The following CLSTN2 variants were observed in gnomAD, a reference collection of about 807,000 sequenced individuals.
CLSTN2 encodes the protein calsyntenin 2.
Under a neutral mutation model 101.2 loss-of-function variants are expected in CLSTN2, and 48 were observed. The ratio of observed to expected loss-of-function variants is 0.47; its 90% CI spans 0.38 to 0.60. CLSTN2 has a LOEUF of 0.60. CLSTN2 is among the 20% of genes least tolerant of loss of function. The pLI is 0.00. For missense variants in CLSTN2, 1,160 were observed against 1,238.2 expected (o/e 0.94, Z 0.95); for synonymous variants, 481 against 463.6 (o/e 1.04, Z -0.48).
chr3:140,024,416 C>G (rs1361142938), intron 1 of CLSTN2, among the ~76,000 whole-genome samples: 3 of 152,252 alleles, frequency 2.0e-5, no homozygotes, highest in African/African-American at 4.8e-5. Flanking sequence ...GGACCCACAT[C>G]AGCTGCATGG....
chr3:140,116,639 A>G (rs1288556044), intron 1 of CLSTN2, among the ~76,000 whole-genome samples: 2 of 152,142 alleles, frequency 1.3e-5, no homozygotes, highest in African/African-American at 4.8e-5. Flanking sequence ...TGCGCCCCCC[A>G]GGTGTCTTCT....
intron 1 of CLSTN2, among the ~76,000 whole-genome samples, chr3:139,950,466 G>C (rs1237342903): frequency 6.6e-6 from 1 of 152,182 alleles, no homozygotes; most frequent in Non-Finnish European, 1.5e-5. Context: ...AGATAGAATA[G>C]ACCATTTTTT....
At chr3:140,130,505 A>G (rs747498588) in intron 1 of CLSTN2, among the ~76,000 whole-genome samples, 53 of 152,206 alleles carry the variant, frequency 3.5e-4, no homozygotes, top group Non-Finnish European at 6.8e-4. Context: ...AGGAACATTC[A>G]TGCTTTTCCT....
rs1319441667 is a variant in CLSTN2 at position 140,566,511 on chromosome 3, C to A, written c.*258C>A. The A allele has an allele frequency of 9.7e-6, 5 of 513,620 alleles. No homozygotes were observed. The highest frequency in any genetic ancestry group is 1.9e-5 in the African/African-American group (1 of 52,494). 31.8% of individuals were successfully genotyped at this position (513,620 alleles called of 1,614,324 possible). On this transcript the variant is annotated 3_prime_UTR_variant, in exon 17 of 17. Transcript: ENST00000458420. ...GTAGCCTCCACTTCTGCCCTAAGTT[C>A]CCCAGCATCCTGACTACCTGTCTGC...
intron 8 of CLSTN2, among the ~76,000 whole-genome samples, chr3:140,476,075 T>C (rs954561064): frequency 7.9e-5 from 12 of 152,198 alleles, no homozygotes; most frequent in Admixed American, 2.0e-4. Context: ...CCTTTGGGGA[T>C]TGGTGCCAGT....
At chr3:140,175,481 T>C (rs2010308900) in intron 1 of CLSTN2, among the ~76,000 whole-genome samples, 1 of 152,186 alleles carries the variant, frequency 6.6e-6, no homozygotes, top group African/African-American at 2.4e-5. Context: ...CTTCTAATGA[T>C]GGATCAGATT....
At chr3:140,388,476 T>C (rs915545903) in intron 2 of CLSTN2, among the ~76,000 whole-genome samples, 1 of 152,184 alleles carries the variant, frequency 6.6e-6, no homozygotes, top group African/African-American at 2.4e-5. Flanking sequence ...GAGGGTAACG[T>C]GTAAAGAAAA....
intron 2 of CLSTN2, among the ~76,000 whole-genome samples, chr3:140,333,682 CTGTGTGTGTGTGTGTG>C (rs10545391): frequency 1.4e-5 from 2 of 147,562 alleles, no homozygotes; most frequent in African/African-American, 2.5e-5. Context: ...AGAGTGGAGA[CTGTGTGTGTGTGTGTG>C]TGTGTGTGTG....
chr3:140,267,895 A>T (rs4365587), intron 2 of CLSTN2, among the ~76,000 whole-genome samples: 9,984 of 152,230 alleles, frequency 0.066, 784 homozygotes, highest in African/African-American at 0.19. Flanking sequence ...GGAAGACTGA[A>T]TTCCTAGAAG....
At chr3:140,224,384 T>A (rs936301946) in intron 2 of CLSTN2, among the ~76,000 whole-genome samples, 2 of 152,218 alleles carry the variant, frequency 1.3e-5, no homozygotes, top group Non-Finnish European at 2.9e-5. Flanking sequence ...CTGGTTATTA[T>A]TTTTTAGTCA....
intron 2 of CLSTN2, among the ~76,000 whole-genome samples, chr3:140,354,678 T>A (rs945256902): frequency 4.6e-5 from 7 of 152,174 alleles, no homozygotes; most frequent in Admixed American, 4.6e-4. Context: ...GAGGGCTGTA[T>A]CTGGAGTGAG....
At chr3:140,146,574 G>A (rs746425964) in intron 1 of CLSTN2, among the ~76,000 whole-genome samples, 1 of 152,196 alleles carries the variant, frequency 6.6e-6, no homozygotes, top group Non-Finnish European at 1.5e-5. Flanking sequence ...CATCTTGGGT[G>A]CAAGAAAAAT....
intron 2 of CLSTN2, among the ~76,000 whole-genome samples, chr3:140,330,481 A>G: frequency 6.6e-6 from 1 of 152,012 alleles, no homozygotes; most frequent in East Asian, 1.9e-4. Flanking sequence ...GCAGTACTAA[A>G]CCCCAGTTTG....
rs2007150720 is a variant in CLSTN2, at chr3:140,014,227, TTATC to T, written c.109+78748_109+78751del. 2.6e-5 allele frequency among the ~76,000 whole-genome samples: 4 copies of T among 152,062 alleles called. No individual in the cohort carries two copies. The South Asian group carries it at 8.3e-4, about 32-fold the overall frequency. The stretch of plus-strand genomic sequence containing the variant: ...GCAATTTTGTTTTATTTTATTTTAT[TTATC>T]TATTTATTTTTCAGACAGAGCCTCA... On this transcript the variant is annotated intron_variant, in intron 1 of 16. Transcript: ENST00000458420.
At chr3:140,060,092 T>C (rs2008176465) in intron 1 of CLSTN2, among the ~76,000 whole-genome samples, 1 of 152,176 alleles carries the variant, frequency 6.6e-6, no homozygotes, top group Non-Finnish European at 1.5e-5. Flanking sequence ...GGGAATTAAA[T>C]AACATGTTTG....
At chr3:140,492,975 A>G (rs1016572963) in intron 8 of CLSTN2, among the ~76,000 whole-genome samples, 2 of 152,340 alleles carry the variant, frequency 1.3e-5, no homozygotes, top group African/African-American at 4.8e-5. Context: ...TCTGCCAAGG[A>G]CACTCACCAG....
chr3:140,530,946 AG>A (rs1202652362), intron 8 of CLSTN2, among the ~76,000 whole-genome samples: 2 of 152,214 alleles, frequency 1.3e-5, no homozygotes, highest in Non-Finnish European at 2.9e-5. Flanking sequence ...CCCCAAGCCC[AG>A]GGTGCTCCTA....
intron 2 of CLSTN2, among the ~76,000 whole-genome samples, chr3:140,302,877 C>T (rs2087073895): frequency 6.6e-6 from 1 of 152,074 alleles, no homozygotes; most frequent in African/African-American, 2.4e-5. Context: ...CTCAGATTTC[C>T]AAATGATGAC....
intron 4 of CLSTN2, among the ~76,000 whole-genome samples, chr3:140,418,895 A>G (rs182110314): frequency 5.5e-4 from 84 of 152,130 alleles, no homozygotes; most frequent in African/African-American, 2.0e-3. Flanking sequence ...AGGACAAGTT[A>G]CTTGAACTTT....
Sources: allele counts gnomAD v4.1 joint callset (sites outside exome capture counted in the v4.1 genomes callset), GRCh38; gene constraint gnomAD v4.1.1; transcripts MANE v1.5; gene names NCBI Gene and HGNC (gene_info 2026-07-23, HGNC 2026-07-21).